Variants in BBS9 observed in about 807,000 individuals in gnomAD.
BBS9 encodes the protein protein PTHB1.
BBS9 carries 89 observed loss-of-function variants against 117.7 expected under a neutral mutation model. The observed-to-expected ratio is 0.76, with a 90% CI of 0.64 to 0.90. The LOEUF (loss-of-function observed/expected upper bound fraction) is 0.90. Ranked by LOEUF, BBS9 falls within the 40% of genes least tolerant of loss-of-function variation. BBS9 has a pLI of 0.00. For synonymous variants in BBS9, 379 were observed against 370.9 expected (o/e 1.02, Z -0.25); for missense variants, 982 against 1,042.2 (o/e 0.94, Z 0.80).
At position 33,388,589 on chromosome 7, in the gene BBS9, G is replaced by A. The variant is rs577545964; in HGVS notation, c.2115+445G>A. Among the ~76,000 whole-genome samples, 3 of 152,170 alleles carry A rather than the reference G, an allele frequency of 2.0e-5. No homozygotes were observed. The South Asian group carries it at 6.2e-4, about 32-fold the overall frequency. On this transcript the variant is annotated intron_variant, in intron 19 of 22. Coordinates refer to ENST00000242067, the MANE Select transcript of BBS9 (RefSeq NM_198428.3). Reference sequence around the variant, plus strand: ...AGTATTATGTCAGTTGATATTTTGAGATGGAATTCTTAAGCATCATAGTTC... The same window carrying A: ...AGTATTATGTCAGTTGATATTTTGAAATGGAATTCTTAAGCATCATAGTTC...
intron 21 of BBS9, among the ~76,000 whole-genome samples, chr7:33,539,872 A>G (rs1325856933): frequency 6.6e-6 from 1 of 152,212 alleles, no homozygotes; most frequent in African/African-American, 2.4e-5. Context: ...TTCGTGTTGT[A>G]TTTGCAGTAA....
chr7:33,180,078 G>T (rs542173639), intron 5 of BBS9, among the ~76,000 whole-genome samples: 16 of 152,068 alleles, frequency 1.1e-4, no homozygotes, highest in Non-Finnish European at 2.2e-4. Flanking sequence ...CTGGTCACCC[G>T]CTCTGACCTA....
intron 20 of BBS9, among the ~76,000 whole-genome samples, chr7:33,533,416 T>C (rs1850886010): frequency 6.6e-6 from 1 of 152,162 alleles, no homozygotes; most frequent in Non-Finnish European, 1.5e-5. Flanking sequence ...TTGCAATAGC[T>C]CCTTTGTTTC....
chr7:33,522,688 T>G (rs1382135296), intron 20 of BBS9, among the ~76,000 whole-genome samples: 3 of 150,158 alleles, frequency 2.0e-5, no homozygotes, highest in African/African-American at 7.3e-5. Flanking sequence ...TTTCTCCCAT[T>G]TTGTAGGTTG....
intron 21 of BBS9, among the ~76,000 whole-genome samples, chr7:33,586,874 C>T (rs963454857): frequency 2.0e-5 from 3 of 152,062 alleles, no homozygotes; most frequent in Non-Finnish European, 2.9e-5. Context: ...AACATAGAAT[C>T]AATAGACACT....
chr7:33,165,985 G>A (rs1178420018), intron 4 of BBS9, among the ~76,000 whole-genome samples: 5 of 152,130 alleles, frequency 3.3e-5, no homozygotes, highest in Admixed American at 3.3e-4. Context: ...ATCTGCCTTT[G>A]GTCTTTGATG....
Position 33,273,955 on chromosome 7 carries a change from C to T in BBS9, c.1015C>T (p.His339Tyr), listed in dbSNP as rs914827242. ...TGTAGCAGTAAGAGTGGGCTGTTTG[C>T]AGTAAGTGATTTAATTTAACACAGT... Reference protein sequence around the residue: ...IPVAVRVGCLHDLKGVIVTLS... With the variant: ...IPVAVRVGCLYDLKGVIVTLS... Residue 339 changes from histidine to tyrosine, a missense_variant and splice_region_variant, in exon 9 of 23, where the codon CAT (histidine) becomes TAT (tyrosine). Transcript: ENST00000242067. The T allele has an allele frequency of 8.7e-6, 14 of 1,613,548 alleles. No homozygotes were observed. Among genetic ancestry groups the T allele is most frequent in the African/African-American group, 2.7e-5 (2 of 74,974 alleles).
Position 33,359,775 on chromosome 7 carries a change from C to A in BBS9, c.1693+1780C>A, listed in dbSNP as rs182661575. Among the ~76,000 whole-genome samples, 75 of 152,140 alleles carry A rather than the reference C, an allele frequency of 4.9e-4. 1 individual carries two copies. Among genetic ancestry groups the A allele is most frequent in the Admixed American group, 4.9e-3 (75 of 15,278 alleles). ...AAGAAATAAAACAACTTTTACTCTA[C>A]ATGTCTTCCCATTTGTTTATTCCAG... On this transcript the variant is annotated intron_variant, in intron 16 of 22. Coordinates refer to ENST00000242067, the MANE Select transcript of BBS9 (RefSeq NM_198428.3).
intron 9 of BBS9, among the ~76,000 whole-genome samples, chr7:33,299,877 T>C (rs1444620533): frequency 6.6e-6 from 1 of 152,116 alleles, no homozygotes; most frequent in Non-Finnish European, 1.5e-5. Flanking sequence ...TTGACTTTAG[T>C]GTTGGGGTTC....
chr7:33,527,060 G>A (rs1369277006), intron 20 of BBS9, among the ~76,000 whole-genome samples: 12 of 151,728 alleles, frequency 7.9e-5, no homozygotes, highest in South Asian at 2.1e-4. Context: ...TAGGCTGCTC[G>A]GGGGTCAGGG....
intron 20 of BBS9, among the ~76,000 whole-genome samples, chr7:33,526,095 G>T (rs1163249243): frequency 1.3e-5 from 2 of 151,468 alleles, no homozygotes; most frequent in Middle Eastern, 3.4e-3. Context: ...CTTCTGGCTT[G>T]TAGGGTTTCT....
chr7:33,233,227 CTCTCTTTTTGTTTTGTTTTTGTTTTT>C (rs1792829351), intron 5 of BBS9, among the ~76,000 whole-genome samples: 1 of 151,978 alleles, frequency 6.6e-6, no homozygotes, highest in African/African-American at 2.4e-5. Flanking sequence ...TGTTTTTATT[CTCTCTTTTTGTTTTGTTTTTGTTTTT>C]TCTCTTTTTG....
chr7:33,251,516 G>A (rs755397629), intron 5 of BBS9, among the ~76,000 whole-genome samples: 1 of 152,072 alleles, frequency 6.6e-6, no homozygotes, highest in Non-Finnish European at 1.5e-5. Flanking sequence ...TGCTAGATGA[G>A]GGGGAGAAAA....
At chr7:33,312,331 T>G (rs1809446379) in intron 9 of BBS9, among the ~76,000 whole-genome samples, 1 of 152,234 alleles carries the variant, frequency 6.6e-6, no homozygotes, top group African/African-American at 2.4e-5. Flanking sequence ...GAAATGAATA[T>G]ACTTCTGTAA....
At position 33,340,935 on chromosome 7, in the gene BBS9, G is replaced by A. The variant is rs778518775; in HGVS notation, c.1237G>A (p.Val413Ile). ...PMTEREDDLN[V>I]SVVVSPNFDS... Reference sequence around the variant, plus strand: ...GACTGAGAGAGAAGATGACTTGAACGTTTCTGTCGTGGTTTCTCCTAACTT... The same window carrying A: ...GACTGAGAGAGAAGATGACTTGAACATTTCTGTCGTGGTTTCTCCTAACTT... Residue 413 changes from valine to isoleucine, a missense_variant, in exon 11 of 23, where the codon GTT (valine) becomes ATT (isoleucine). Coordinates refer to ENST00000242067, the MANE Select transcript of BBS9 (RefSeq NM_198428.3). The A allele has an allele frequency of 2.0e-5, 32 of 1,613,374 alleles. No individual in the cohort carries two copies. Among genetic ancestry groups the A allele is most frequent in the Middle Eastern group, 1.6e-4 (1 of 6,082 alleles).
chr7:33,478,877 T>G (rs1259897164), intron 19 of BBS9, among the ~76,000 whole-genome samples: 21 of 13,814 alleles, frequency 1.5e-3, no homozygotes, highest in South Asian at 4.8e-3. Flanking sequence ...GTTAGTGGGT[T>G]TTTTTTTTTT....
At chr7:33,603,427 A>G (rs1361883664) in intron 21 of BBS9, among the ~76,000 whole-genome samples, 1 of 152,090 alleles carries the variant, frequency 6.6e-6, no homozygotes, top group Non-Finnish European at 1.5e-5. Flanking sequence ...GGCCTCTCCA[A>G]AGGTCTCAGC....
Position 33,505,564 on chromosome 7 carries a change from G to T in BBS9, c.2217G>T (p.Ala739=), listed in dbSNP as rs749322793. The T allele has an allele frequency of 3.7e-6, 6 of 1,613,974 alleles. No individual in the cohort carries two copies. In the African/African-American group the frequency reaches 4.0e-5, roughly 11 times the overall value. Residue 739 remains alanine (A), a synonymous_variant, in exon 20 of 23, where the codon GCG becomes GCT. Coordinates refer to ENST00000242067, the MANE Select transcript of BBS9 (RefSeq NM_198428.3). ...CCCATTTGGTGATTCTGCTGATCGC[G>T]CTGTGGCAGAAGCTTAGTGCTGACC... ...SATHLVILLI[A]LWQKLSADQV...
chr7:33,407,936 CA>C (rs1830352990), intron 19 of BBS9, among the ~76,000 whole-genome samples: 1 of 152,228 alleles, frequency 6.6e-6, no homozygotes, highest in South Asian at 2.1e-4. Context: ...TCTCCAGCTG[CA>C]TGCTGGGAGA....
Sources: allele counts gnomAD v4.1 joint callset (sites outside exome capture counted in the v4.1 genomes callset), GRCh38; gene constraint gnomAD v4.1.1; transcripts MANE v1.5; gene names NCBI Gene and HGNC (gene_info 2026-07-23, HGNC 2026-07-21).